The following MARK3 variants were observed in gnomAD, a reference collection of about 807,000 sequenced individuals.
The protein encoded by MARK3 is MAP/microtubule affinity-regulating kinase 3.
A neutral mutation model predicts 90.1 loss-of-function variants in MARK3; 46 were observed. That is an observed-to-expected ratio of 0.51 (90% CI 0.40 to 0.65). MARK3 has a LOEUF of 0.65. Ranked by LOEUF, MARK3 falls within the 30% of genes least tolerant of loss-of-function variation. The pLI is 0.00. For missense variants in MARK3, 818 were observed against 947.2 expected, an observed-to-expected ratio of 0.86 and a Z score of 1.79; for synonymous variants, 321 against 332.6, an observed-to-expected ratio of 0.97 and a Z score of 0.38.
chr14:103,457,627 C>T (rs2093303758), intron 6 of MARK3, among the ~76,000 whole-genome samples: 1 of 152,192 alleles, frequency 6.6e-6, no homozygotes, highest in Admixed American at 6.5e-5. Flanking sequence ...AGTAACTTTA[C>T]TTCTTGCTTT....
chr14:103,429,407 C>G (rs1048627797), intron 3 of MARK3: 3 of 152,140 alleles, frequency 2.0e-5, no homozygotes, highest in Non-Finnish European at 2.9e-5. Context: ...TATAAAAGGG[C>G]TTTGTAAACT....
chr14:103,392,958 C>T (rs1034759223), intron 1 of MARK3, among the ~76,000 whole-genome samples: 8 of 151,490 alleles, frequency 5.3e-5, no homozygotes, highest in African/African-American at 1.7e-4. Context: ...TACAGGCAGC[C>T]GCCACCACAC....
chr14:103,491,850 C>A lies in MARK3; in HGVS notation c.1660C>A (p.Arg554Ser). Reference protein sequence around the residue: ...ISSAATPDRIRFPRGTASRST... With the variant: ...ISSAATPDRISFPRGTASRST... ...TAGTGCAGCCACCCCAGATCGAATC[C>A]GCTTCCCAAGAGGCACTGCCAGTCG... The change falls in exon 15 of 18, where the codon CGC (arginine) becomes AGC (serine). Residue 554 changes from arginine (R) to serine (S), a missense_variant. Around this residue, in one of 3 missense-constraint regions of MARK3, gnomAD observed 560 missense variants for 613.5 expected, o/e 0.91. Coordinates refer to ENST00000429436, the MANE Select transcript of MARK3 (RefSeq NM_001128918.3). 6.2e-7 allele frequency: 1 copy of A among 1,614,164 alleles called. No individual in the cohort carries two copies. The highest frequency in any genetic ancestry group is 1.1e-5 in the South Asian group (1 of 91,090).
intron 3 of MARK3, among the ~76,000 whole-genome samples, chr14:103,445,437 A>G (rs2092970450): frequency 1.3e-5 from 2 of 152,208 alleles, no homozygotes; most frequent in South Asian, 4.1e-4. Context: ...TACCTAATAC[A>G]TAATTCCAAT....
intron 11 of MARK3, 173 bp from the exon 12 acceptor site, chr14:103,467,860 C>T (rs1442617009): frequency 7.7e-6 from 4 of 518,762 alleles, no homozygotes; most frequent in Non-Finnish European, 1.3e-5. Context: ...TCTTTCCAGC[C>T]GTCAGAAAAC....
chr14:103,400,842 G>A (rs774910734), intron 1 of MARK3, among the ~76,000 whole-genome samples: 3 of 145,820 alleles, frequency 2.1e-5, no homozygotes, highest in Admixed American at 7.1e-5. Context: ...CTGCAGTGAG[G>A]TATGATCGAT....
intron 2 of MARK3, among the ~76,000 whole-genome samples, chr14:103,424,767 A>C (rs182497639): frequency 6.6e-6 from 1 of 152,118 alleles, no homozygotes. Context: ...GAATTGGGAG[A>C]TCTAGGTATA....
intron 11 of MARK3, 31 bp downstream of exon 11, chr14:103,467,222 C>T (rs1318871659): frequency 1.0e-6 from 1 of 977,526 alleles, no homozygotes; most frequent in South Asian, 1.5e-5. Flanking sequence ...CTGAAATACC[C>T]TGTATGTAAT....
At chr14:103,436,409 CTT>C (rs71460676) in intron 3 of MARK3, among the ~76,000 whole-genome samples, 2 of 140,670 alleles carry the variant, frequency 1.4e-5, no homozygotes, top group African/African-American at 2.6e-5. Context: ...TCTTTTCTTT[CTT>C]TTTTTTTTTT....
At chr14:103,403,326 TTGTGTGTGTGTGTGTGTGTGTGTGTGTG>T (rs59913493) in intron 1 of MARK3, among the ~76,000 whole-genome samples, 1 of 138,458 alleles carries the variant, frequency 7.2e-6, no homozygotes, top group Admixed American at 7.3e-5. Flanking sequence ...TAGTGCCTGG[TTGTGTGTGTGTGTGTGTGTGTGTGTGTG>T]TGTGTGTGTG....
At chr14:103,389,215 T>C (rs1212102485) in intron 1 of MARK3, among the ~76,000 whole-genome samples, 1 of 150,936 alleles carries the variant, frequency 6.6e-6, no homozygotes, top group Non-Finnish European at 1.5e-5. Flanking sequence ...ATACGAAAAA[T>C]TAGCCGGGCG....
intron 5 of MARK3, among the ~76,000 whole-genome samples, chr14:103,453,830 G>T (rs560363338): frequency 6.6e-6 from 1 of 152,326 alleles, no homozygotes; most frequent in South Asian, 2.1e-4. Flanking sequence ...TGGCCAGGCA[G>T]TGAGCGATGG....
At chr14:103,499,854 G>T in intron 16 of MARK3, 1 of 129,056 alleles carries the variant, frequency 7.7e-6, no homozygotes, top group South Asian at 1.3e-4. Context: ...CCCGCTGTGC[G>T]TGCGTGGTGT....
chr14:103,440,294 C>G lies in MARK3; in HGVS notation c.298-8625C>G, dbSNP rs184417243. 4.4e-3 allele frequency among the ~76,000 whole-genome samples: 664 copies of G among 152,340 alleles called. 3 individuals are homozygous for G. Among genetic ancestry groups the G allele is most frequent in the Non-Finnish European group, 7.2e-3 (489 of 68,032 alleles). Reference sequence around the variant, plus strand: ...ATTGTCCTCTGTGTGTCCTGGCACACTTGTGAAGAGTTTCTTAAATATATA... The same window carrying G: ...ATTGTCCTCTGTGTGTCCTGGCACAGTTGTGAAGAGTTTCTTAAATATATA... On this transcript the variant is annotated intron_variant, in intron 3 of 17. Coordinates refer to ENST00000429436, the MANE Select transcript of MARK3 (RefSeq NM_001128918.3).
chr14:103,420,231 A>AT lies in MARK3; in HGVS notation c.244-8147dup, dbSNP rs1265925594. ...ATCACGGAATTCCACAGTTTTGAAC[A>AT]TTTTTTTTTCTTTTTGAGACAGAGT... On this transcript the variant is annotated intron_variant, in intron 2 of 17. Transcript: ENST00000429436. Among the ~76,000 whole-genome samples, 208 of 151,144 alleles carry AT rather than the reference A, an allele frequency of 1.4e-3. 1 individual carries two copies. Among genetic ancestry groups the AT allele is most frequent in the Middle Eastern group, 3.4e-3 (1 of 294 alleles).
intron 1 of MARK3, among the ~76,000 whole-genome samples, chr14:103,397,558 CTTGT>C (rs1424563978): frequency 8.5e-5 from 13 of 152,082 alleles, no homozygotes; most frequent in Admixed American, 2.6e-4. Context: ...AACTCCTGAC[CTTGT>C]GATCCTCCTG....
At chr14:103,484,090 G>C (rs1336510400) in intron 14 of MARK3, among the ~76,000 whole-genome samples, 2 of 151,324 alleles carry the variant, frequency 1.3e-5, no homozygotes, top group African/African-American at 4.9e-5. Context: ...GGACGACACT[G>C]TTTAGACTAC....
chr14:103,477,488 T>A (rs963988970), intron 13 of MARK3, among the ~76,000 whole-genome samples: 1 of 151,360 alleles, frequency 6.6e-6, no homozygotes, highest in Admixed American at 6.6e-5. Flanking sequence ...CGAGACTCCA[T>A]CTCAAAAAAT....
chr14:103,396,487 G>A (rs551722370), intron 1 of MARK3, among the ~76,000 whole-genome samples: 46 of 152,158 alleles, frequency 3.0e-4, no homozygotes, highest in African/African-American at 1.0e-3. Flanking sequence ...GGGAGGGGAA[G>A]TAAATGCAGC....
Sources: gnomAD v4.1 joint callset for allele counts (sites outside exome capture counted in the v4.1 genomes callset) on GRCh38, gnomAD v4.1.1 for gene constraint, gnomAD v4.1.1 regional missense constraint, MANE v1.5 for transcripts, NCBI Gene and HGNC (gene_info 2026-07-23, HGNC 2026-07-21) for gene names.